ANO3: variants seen among roughly 807,000 people sequenced by gnomAD.
ANO3 encodes anoctamin 3.
ANO3 carries 99 observed loss-of-function variants against 144.8 expected under a neutral mutation model. The observed-to-expected ratio is 0.68, with a 90% CI of 0.58 to 0.81. The LOEUF (loss-of-function observed/expected upper bound fraction) is 0.81. Among genes scored for constraint, ANO3 ranks in the 30% least tolerant of loss-of-function variants. The pLI is 0.00. For missense variants in ANO3, 905 were observed against 1,202.2 expected (o/e 0.75, Z 3.66); for synonymous variants, 414 against 392.6 (o/e 1.05, Z -0.64).
chr11:26,283,762 A>G (rs998903294), intron 1 of ANO3, among the ~76,000 whole-genome samples: 1 of 152,166 alleles, frequency 6.6e-6, no homozygotes, highest in Non-Finnish European at 1.5e-5. Context: ...TTGATGCCTT[A>G]AATTCTAATG....
intron 1 of ANO3, among the ~76,000 whole-genome samples, chr11:26,313,861 A>G (rs183572897): frequency 1.6e-4 from 24 of 147,944 alleles, no homozygotes; most frequent in African/African-American, 5.7e-4. Flanking sequence ...TATTTAAATG[A>G]AATTAAATAT....
chr11:26,498,601 T>C (rs990370503), intron 4 of ANO3, among the ~76,000 whole-genome samples: 1 of 150,920 alleles, frequency 6.6e-6, no homozygotes, highest in Non-Finnish European at 1.5e-5. Context: ...TATTATAAGA[T>C]CATATTGAGC....
At chr11:26,476,782 T>A (rs1859989670) in intron 4 of ANO3, among the ~76,000 whole-genome samples, 1 of 151,996 alleles carries the variant, frequency 6.6e-6, no homozygotes, top group Non-Finnish European at 1.5e-5. Context: ...ACCATTTAGA[T>A]GTCTATCTAC....
rs1851243251 is a variant in ANO3 at position 26,585,244 on chromosome 11, A to G, written c.1448-13121A>G. On this transcript the variant is annotated intron_variant, in intron 14 of 26. Transcript: ENST00000256737. ...AATGCTCCCTAATCCACTTCCCACA[A>G]ACAATTAGTACTAATGCTTTGAGAG... Among the ~76,000 whole-genome samples the G allele has an allele frequency of 2.0e-5, 3 of 152,096 alleles. No individual in the cohort carries two copies. The South Asian group carries it at 6.2e-4, about 31-fold the overall frequency.
At chr11:26,239,205 T>C (rs1852601346) in intron 1 of ANO3, among the ~76,000 whole-genome samples, 1 of 152,046 alleles carries the variant, frequency 6.6e-6, no homozygotes, top group African/African-American at 2.4e-5. Flanking sequence ...ATTGCTTCTT[T>C]AGGCAGAAAA....
intron 4 of ANO3, among the ~76,000 whole-genome samples, chr11:26,480,539 C>G (rs1565050749): frequency 6.6e-6 from 1 of 152,060 alleles, no homozygotes; most frequent in Non-Finnish European, 1.5e-5. Context: ...GCAGGCCGGG[C>G]ACTCATGCCT....
chr11:26,436,955 C>G (rs1340631653), intron 1 of ANO3, among the ~76,000 whole-genome samples: 1 of 151,844 alleles, frequency 6.6e-6, no homozygotes, highest in African/African-American at 2.4e-5. Context: ...AGCTTCAGTC[C>G]CTAATCACCT....
At chr11:26,311,040 A>T (rs992836586) in intron 1 of ANO3, among the ~76,000 whole-genome samples, 3 of 152,186 alleles carry the variant, frequency 2.0e-5, no homozygotes, top group Non-Finnish European at 4.4e-5. Flanking sequence ...TCATTATCAG[A>T]AGTTTCTTCA....
chr11:26,604,334 T>C (rs979904939), intron 17 of ANO3, among the ~76,000 whole-genome samples: 1 of 152,082 alleles, frequency 6.6e-6, no homozygotes, highest in Non-Finnish European at 1.5e-5. Flanking sequence ...ATAGTTTGAA[T>C]TCAGGTAGTG....
intron 1 of ANO3, among the ~76,000 whole-genome samples, chr11:26,338,918 C>T (rs1319646530): frequency 5.3e-5 from 8 of 152,150 alleles, no homozygotes; most frequent in Non-Finnish European, 4.4e-5. Flanking sequence ...TTGAAGTCAG[C>T]GAGACCAAGA....
chr11:26,544,441 A>G (rs1849735456), intron 11 of ANO3, among the ~76,000 whole-genome samples: 1 of 150,820 alleles, frequency 6.6e-6, no homozygotes, highest in South Asian at 2.1e-4. Flanking sequence ...AGGGGTGGAG[A>G]GGAGGCAGAG....
chr11:26,519,951 C>T (rs1456736864), intron 6 of ANO3, among the ~76,000 whole-genome samples: 1 of 151,866 alleles, frequency 6.6e-6, no homozygotes, highest in African/African-American at 2.4e-5. Context: ...TTGCTCTTTC[C>T]ACCATCTCAG....
chr11:26,659,805 A>C (rs1014475968), intron 26 of ANO3, among the ~76,000 whole-genome samples: 1 of 152,206 alleles, frequency 6.6e-6, no homozygotes, highest in African/African-American at 2.4e-5. Context: ...CTTAATAGAC[A>C]TGAAAAATGC....
intron 1 of ANO3, among the ~76,000 whole-genome samples, chr11:26,296,362 G>A (rs1277111168): frequency 6.6e-6 from 1 of 151,934 alleles, no homozygotes; most frequent in Non-Finnish European, 1.5e-5. Context: ...CCTGGCCCCA[G>A]ATTAATTGAC....
In ANO3 at chr11:26,525,649, A is replaced by G; in HGVS notation, c.707A>G (p.Tyr236Cys). Residue 236 changes from tyrosine (Y) to cysteine (C), a missense_variant, in exon 7 of 27, where the codon TAC (tyrosine) becomes TGC (cysteine). By Grantham distance (194) the Tyr-to-Cys change is radical. Coordinates refer to ENST00000256737, the MANE Select transcript of ANO3 (RefSeq NM_031418.4). ...TATTTTTTCAGGAAAAAATGCTATT[A>G]CACTGACGGGAGGAGCAAATCAATG... The part of the protein sequence containing the change: ...IRMPFRKKCY[Y>C]TDGRSKSMGR... 6.2e-7 allele frequency: 1 copy of G among 1,611,128 alleles called. No individual in the cohort carries two copies. Among genetic ancestry groups the G allele is most frequent in the South Asian group, 1.1e-5 (1 of 90,454 alleles).
chr11:26,425,621 A>G lies in ANO3; in HGVS notation c.47-16297A>G, dbSNP rs1857897062. Among the ~76,000 whole-genome samples, 4 of 152,100 alleles carry G rather than the reference A, an allele frequency of 2.6e-5. No individual in the cohort carries two copies. The South Asian group carries it at 8.3e-4, about 31-fold the overall frequency. Reference sequence around the variant, plus strand: ...TATATTCTGTCTGAAAAGTGAAATTAAGTAACTGCAAAACAAAAGTTTCAT... The same window carrying G: ...TATATTCTGTCTGAAAAGTGAAATTGAGTAACTGCAAAACAAAAGTTTCAT... On this transcript the variant is annotated intron_variant, in intron 1 of 26. Coordinates refer to ENST00000256737, the MANE Select transcript of ANO3 (RefSeq NM_031418.4).
chr11:26,609,736 T>A (rs1852040123), intron 17 of ANO3, among the ~76,000 whole-genome samples: 1 of 152,212 alleles, frequency 6.6e-6, no homozygotes, highest in African/African-American at 2.4e-5. Flanking sequence ...ACTGATTTCA[T>A]TTCTTTGGAT....
chr11:26,522,257 G>A (rs1046925707), intron 6 of ANO3, among the ~76,000 whole-genome samples: 1 of 151,986 alleles, frequency 6.6e-6, no homozygotes, highest in African/African-American at 2.4e-5. Flanking sequence ...CATAATTGGG[G>A]TTAAACTTAG....
intron 18 of ANO3, among the ~76,000 whole-genome samples, chr11:26,626,181 A>G (rs58857364): frequency 0.17 from 25,537 of 152,170 alleles, 2,505 homozygotes; most frequent in East Asian, 0.33. Context: ...TTTCACAATG[A>G]TGTACTTTGG....
Sources: gnomAD v4.1 joint callset for allele counts (sites outside exome capture counted in the v4.1 genomes callset) on GRCh38, gnomAD v4.1.1 for gene constraint, MANE v1.5 for transcripts, NCBI Gene and HGNC (gene_info 2026-07-23, HGNC 2026-07-21) for gene names.